Variants in IFT80 observed in about 807,000 individuals in gnomAD.
The protein encoded by IFT80 is intraflagellar transport protein 80 homolog.
IFT80 carries 79 observed loss-of-function variants against 107.9 expected under a neutral mutation model. The ratio of observed to expected loss-of-function variants is 0.73; its 90% CI spans 0.61 to 0.88. The LOEUF (loss-of-function observed/expected upper bound fraction) is 0.88, where lower values mean the gene tolerates loss of function less well. Ranked by LOEUF, IFT80 falls within the 40% of genes least tolerant of loss-of-function variation. IFT80 has a pLI of 0.00. For synonymous variants in IFT80, 299 were observed against 300.9 expected (o/e 0.99, Z 0.07); for missense variants, 797 against 914.2 (o/e 0.87, Z 1.65).
intron 5 of IFT80, among the ~76,000 whole-genome samples, chr3:160,368,154 T>A (rs1264582391): frequency 6.6e-6 from 1 of 151,912 alleles, no homozygotes; most frequent in Non-Finnish European, 1.5e-5. Context: ...CAATAAAATT[T>A]AATTGTTTAT....
intron 8 of IFT80, among the ~76,000 whole-genome samples, chr3:160,351,717 C>G (rs1720721552): frequency 7.1e-6 from 1 of 140,656 alleles, no homozygotes; most frequent in Non-Finnish European, 1.5e-5. Flanking sequence ...TATTAAGTAA[C>G]ATAAAAATCT....
intron 8 of IFT80, among the ~76,000 whole-genome samples, chr3:160,329,806 AT>A (rs1445999025): frequency 2.7e-5 from 4 of 149,496 alleles, no homozygotes; most frequent in African/African-American, 9.7e-5. Flanking sequence ...TAAAGTTTGT[AT>A]TAAATAAAAT....
intron 5 of IFT80, among the ~76,000 whole-genome samples, chr3:160,367,191 T>C (rs1316026895): frequency 6.6e-6 from 1 of 152,082 alleles, no homozygotes; most frequent in Non-Finnish European, 1.5e-5. Flanking sequence ...GATGGAAACT[T>C]AGGTTGCCTC....
chr3:160,319,670 A>G, intron 9 of IFT80, 90 bp downstream of exon 9: 1 of 1,103,796 alleles, frequency 9.1e-7, no homozygotes, highest in Non-Finnish European at 1.4e-6. Context: ...AAGCTTGACT[A>G]AATATAATTA....
At chr3:160,291,872 C>T (rs1183628413) in intron 12 of IFT80, among the ~76,000 whole-genome samples, 1 of 152,200 alleles carries the variant, frequency 6.6e-6, no homozygotes, top group African/African-American at 2.4e-5. Context: ...GCAAATACCT[C>T]AGGATGCCTG....
intron 12 of IFT80, among the ~76,000 whole-genome samples, chr3:160,291,101 A>G (rs532861312): frequency 6.6e-6 from 1 of 152,344 alleles, no homozygotes; most frequent in South Asian, 2.1e-4. Context: ...TCTCTATACA[A>G]AAACGCTGGG....
rs1718084118 is a variant in IFT80, at chr3:160,319,931, A to G, written c.786T>C (p.Tyr262=). ...TGCCAGTGTTGGGTTTTTCTAATGC[A>G]TATGACCACTGGGGGAGAAAAAACA... is the stretch of plus-strand genomic sequence containing the variant. ...LRLCDKTGWS[Y]ALEKPNTGSI... The change falls in exon 9 of 20, where the codon TAT becomes TAC. Residue 262 remains tyrosine (Y), a synonymous_variant. Coordinates refer to ENST00000326448, the MANE Select transcript of IFT80 (RefSeq NM_020800.3). The G allele has an allele frequency of 6.2e-7, 1 of 1,610,766 alleles. No individual in the cohort carries two copies. The highest frequency in any genetic ancestry group is 8.5e-7 in the Non-Finnish European group (1 of 1,178,860).
chr3:160,267,076 C>A (rs1713391807), intron 19 of IFT80, among the ~76,000 whole-genome samples: 1 of 152,138 alleles, frequency 6.6e-6, no homozygotes, highest in South Asian at 2.1e-4. Flanking sequence ...AAAAACATAT[C>A]TCCTTTCTAC....
At chr3:160,308,017 A>T (rs1716954156) in intron 9 of IFT80, among the ~76,000 whole-genome samples, 1 of 152,166 alleles carries the variant, frequency 6.6e-6, no homozygotes, top group African/African-American at 2.4e-5. Flanking sequence ...ACCTACTGAG[A>T]TTTCTAACTT....
rs923728905 is a variant in IFT80 at position 160,258,103 on chromosome 3, G to A, written c.*422C>T. The A allele has an allele frequency of 4.7e-6, 1 of 212,382 alleles. No homozygotes were observed. Among genetic ancestry groups the A allele is most frequent in the Non-Finnish European group, 9.5e-6 (1 of 105,416 alleles). The allele number at this position is 212,382 out of a possible 1,614,324, so 13.2% of individuals were successfully genotyped here. A position where few individuals can be genotyped will look rare whatever the true frequency, so the allele number is the denominator to read the frequency against. On this transcript the variant is annotated 3_prime_UTR_variant, in exon 20 of 20. Transcript: ENST00000326448. ...TACATTTGTACAAATCCATCCTCAT[G>A]TATTTTTGTTCTATAAATAAACTTT... is the stretch of plus-strand genomic sequence containing the variant.
rs1057221246 is a variant in IFT80, at chr3:160,317,972, A to AATT, written c.957+1785_957+1787dup. On this transcript the variant is annotated intron_variant, in intron 9 of 19. Coordinates refer to ENST00000326448, the MANE Select transcript of IFT80 (RefSeq NM_020800.3). ...TTGTGGATATTTGATAATATTAAGA[A>AATT]ATTATTATTATTATTATATAATATG... is the stretch of plus-strand genomic sequence containing the variant. Among the ~76,000 whole-genome samples the AATT allele has an allele frequency of 2.3e-3, 351 of 151,544 alleles. 3 individuals carry two copies. The highest frequency in any genetic ancestry group is 7.8e-3 in the African/African-American group (323 of 41,404).
intron 12 of IFT80, among the ~76,000 whole-genome samples, chr3:160,288,631 C>A (rs1352266681): frequency 6.6e-6 from 1 of 151,814 alleles, no homozygotes; most frequent in Non-Finnish European, 1.5e-5. Context: ...AGGAACTTAA[C>A]AAATTTACAA....
chr3:160,274,202 G>C (rs959849552), intron 18 of IFT80, among the ~76,000 whole-genome samples: 6 of 152,130 alleles, frequency 3.9e-5, no homozygotes, highest in African/African-American at 1.4e-4. Context: ...AGGCAAAAAG[G>C]ACACCAACTC....
intron 12 of IFT80, chr3:160,299,187 T>C: frequency 1.9e-6 from 2 of 1,027,102 alleles, no homozygotes; most frequent in Non-Finnish European, 2.4e-6. Flanking sequence ...ATCTGGATAC[T>C]ATATTATTCC....
At position 160,382,823 on chromosome 3, in the gene IFT80, A is replaced by G. The variant is rs543796464; in HGVS notation, c.38-1099T>C. On this transcript the variant is annotated intron_variant, in intron 2 of 19. Coordinates refer to ENST00000326448, the MANE Select transcript of IFT80 (RefSeq NM_020800.3). ...TTCTAGGATGTTCCAAGATTTTTTAATACTTCAAAATACAATAGATTAAGC... is the reference window on the plus strand; with the variant it reads ...TTCTAGGATGTTCCAAGATTTTTTAGTACTTCAAAATACAATAGATTAAGC... Among the ~76,000 whole-genome samples the G allele has an allele frequency of 2.0e-5, 3 of 152,324 alleles. No individual in the cohort carries two copies. In the South Asian group the frequency reaches 6.2e-4, roughly 32 times the overall value.
chr3:160,326,342 T>C (rs1346636194), intron 8 of IFT80, among the ~76,000 whole-genome samples: 2 of 152,136 alleles, frequency 1.3e-5, no homozygotes, highest in Non-Finnish European at 2.9e-5. Flanking sequence ...TGCATCATCC[T>C]GATACCAAAA....
chr3:160,271,568 C>A lies in IFT80; in HGVS notation c.2100-3032G>T, dbSNP rs180980725. On this transcript the variant is annotated intron_variant, in intron 18 of 19. Transcript: ENST00000326448. The stretch of plus-strand genomic sequence containing the variant: ...GGATAGCAAACAGATAACTTGCTTA[C>A]CTATAACTCTTCAAGAGCTGTACCT... 4.4e-3 allele frequency among the ~76,000 whole-genome samples: 666 copies of A among 152,182 alleles called. 2 individuals carry two copies. Among genetic ancestry groups the A allele is most frequent in the Admixed American group, 6.9e-3 (105 of 15,292 alleles).
chr3:160,348,526 G>A (rs1720454948), intron 8 of IFT80, among the ~76,000 whole-genome samples: 1 of 152,152 alleles, frequency 6.6e-6, no homozygotes, highest in Admixed American at 6.5e-5. Flanking sequence ...AAAACAATTT[G>A]GCAGGTCCTC....
chr3:160,357,443 TA>T (rs763186393), intron 7 of IFT80, 45 bp downstream of exon 7: 2 of 1,045,310 alleles, frequency 1.9e-6, no homozygotes, highest in African/African-American at 1.6e-5. Context: ...TAAGTACTTA[TA>T]AATTTGATTA....
Sources: allele counts gnomAD v4.1 joint callset (sites outside exome capture counted in the v4.1 genomes callset), GRCh38; gene constraint gnomAD v4.1.1; transcripts MANE v1.5; gene names NCBI Gene and HGNC (gene_info 2026-07-23, HGNC 2026-07-21).